Variants in MAPKAPK2 observed in about 807,000 individuals in gnomAD.
MAPKAPK2 encodes the protein MAPK activated protein kinase 2.
A neutral mutation model predicts 48.8 loss-of-function variants in MAPKAPK2; 9 were observed. That is an observed-to-expected ratio of 0.18 (90% CI 0.11 to 0.32). The LOEUF is 0.32. Among genes scored for constraint, MAPKAPK2 ranks in the 10% least tolerant of loss-of-function variants. MAPKAPK2 has a pLI of 1.00. For missense variants in MAPKAPK2, 331 were observed against 498.3 expected (o/e 0.66, Z 3.20); for synonymous variants, 202 against 190.6 (o/e 1.06, Z -0.49).
intron 1 of MAPKAPK2, among the ~76,000 whole-genome samples, chr1:206,725,475 G>A (rs1302422159): frequency 1.3e-5 from 2 of 152,176 alleles, no homozygotes; most frequent in Non-Finnish European, 2.9e-5. Context: ...GGTTGACAGT[G>A]ATGAATGCCT....
At chr1:206,700,344 G>C (rs578031685) in intron 1 of MAPKAPK2, among the ~76,000 whole-genome samples, 16 of 152,308 alleles carry the variant, frequency 1.1e-4, no homozygotes, top group African/African-American at 3.6e-4. Context: ...CCTCTCGCTG[G>C]ACACTGAGAG....
chr1:206,731,506 T>C lies in MAPKAPK2; in HGVS notation c.893-134T>C. 1.9e-6 allele frequency: 2 copies of C among 1,066,924 alleles called. No individual in the cohort carries two copies. Among genetic ancestry groups the C allele is most frequent in the Admixed American group, 3.7e-5 (2 of 53,958 alleles). The allele number at this position is 1,066,924 out of a possible 1,614,324, so 66.1% of individuals were successfully genotyped here. On this transcript the variant is annotated intron_variant, in intron 7 of 9. Coordinates refer to ENST00000367103, the MANE Select transcript of MAPKAPK2 (RefSeq NM_032960.4). The surrounding 1 kb of genome is among the most constrained non-coding windows in gnomAD (Gnocchi z 5.9). ...CAAGTGGTACAGCCGTAATGGTCCT[T>C]GGGGCCAGTTGCTCCGGCAGCCTGC... is the stretch of plus-strand genomic sequence containing the variant.
At chr1:206,706,080 G>A (rs1389578748) in intron 1 of MAPKAPK2, among the ~76,000 whole-genome samples, 1 of 152,102 alleles carries the variant, frequency 6.6e-6, no homozygotes, top group Non-Finnish European at 1.5e-5. Context: ...TACACTTCCA[G>A]TGTAATTAAG....
At chr1:206,719,812 C>T (rs1345990953) in intron 1 of MAPKAPK2, among the ~76,000 whole-genome samples, 8 of 152,224 alleles carry the variant, frequency 5.3e-5, no homozygotes, top group Admixed American at 1.3e-4. Flanking sequence ...AGGATTCTCC[C>T]TTAAACCATT....
At chr1:206,695,113 G>A (rs2102378769) in intron 1 of MAPKAPK2, among the ~76,000 whole-genome samples, 1 of 152,206 alleles carries the variant, frequency 6.6e-6, no homozygotes, top group Admixed American at 6.5e-5. Flanking sequence ...CCCCTCTCCT[G>A]GGTCTCAGAC....
chr1:206,717,289 G>C (rs74745748), intron 1 of MAPKAPK2, among the ~76,000 whole-genome samples: 5,923 of 152,242 alleles, frequency 0.039, 258 homozygotes, highest in African/African-American at 0.1. Flanking sequence ...TGTTCTGTAG[G>C]GCTGCTAGGA....
intron 1 of MAPKAPK2, chr1:206,695,847 C>G (rs1282785796): frequency 2.0e-6 from 1 of 509,272 alleles, no homozygotes; most frequent in Admixed American, 3.3e-5. Flanking sequence ...ACCATGGCAA[C>G]CCCCCTTCCT....
rs782031747 is a variant in MAPKAPK2, at chr1:206,732,740, C to T, written c.*22C>T. On this transcript the variant is annotated 3_prime_UTR_variant, in exon 10 of 10. Transcript: ENST00000367103. The surrounding 1 kb of genome is among the most constrained non-coding windows in gnomAD (Gnocchi z 4.4). ...CTGAGCCACCGCGCCCTCCTGCCCA[C>T]GGGAGGACAAGCAATAACTCTCTAC... 84 of 1,613,186 alleles carry T rather than the reference C, an allele frequency of 5.2e-5. No homozygotes were observed. The highest frequency in any genetic ancestry group is 1.3e-4 in the East Asian group (6 of 44,882).
At chr1:206,691,550 T>G (rs1672459826) in intron 1 of MAPKAPK2, among the ~76,000 whole-genome samples, 1 of 146,084 alleles carries the variant, frequency 6.8e-6, no homozygotes. Context: ...CTTGTTACCA[T>G]GGGTTATGTG....
At chr1:206,692,857 C>T (rs1672500982) in intron 1 of MAPKAPK2, among the ~76,000 whole-genome samples, 1 of 152,272 alleles carries the variant, frequency 6.6e-6, no homozygotes, top group African/African-American at 2.4e-5. Context: ...TGGCCAGAGG[C>T]GGAAGCTAGT....
intron 1 of MAPKAPK2, among the ~76,000 whole-genome samples, chr1:206,706,221 G>A (rs1672954971): frequency 6.6e-6 from 1 of 152,006 alleles, no homozygotes; most frequent in Non-Finnish European, 1.5e-5. Context: ...GAGTTAGTCT[G>A]TTCCCAGAAG....
rs782742183 is a variant in MAPKAPK2 at position 206,729,041 on chromosome 1, C to T, written c.426C>T (p.Asp142=). The part of the protein sequence containing the change: ...KCLLIVMECL[D]GGELFSRIQD... ...CACTGTGGCTTCATTTCAGTTTGGA[C>T]GGTGGAGAACTCTTTAGCCGAATCC... The change falls in exon 3 of 10, where the codon GAC becomes GAT. Residue 142 remains aspartate (D), a synonymous_variant. Coordinates refer to ENST00000367103, the MANE Select transcript of MAPKAPK2 (RefSeq NM_032960.4). 57 of 1,614,092 alleles carry T rather than the reference C, an allele frequency of 3.5e-5. No homozygotes were observed. The Middle Eastern group carries it at 4.9e-4, about 14-fold the overall frequency.
intron 1 of MAPKAPK2, among the ~76,000 whole-genome samples, chr1:206,715,890 C>T (rs1553430293): frequency 6.6e-6 from 1 of 151,830 alleles, no homozygotes; most frequent in African/African-American, 2.4e-5. Context: ...GTCATCAAGC[C>T]ATCCTCCTGC....
At position 206,732,746 on chromosome 1, in the gene MAPKAPK2, GACAAGCAATAACTCTCT is replaced by G. The variant is rs782021227; in HGVS notation, c.*32_*48del. On this transcript the variant is annotated 3_prime_UTR_variant, in exon 10 of 10. Transcript: ENST00000367103. This position sits in a 1 kb window ranked among gnomAD's most constrained non-coding sequence, Gnocchi z 4.4. ...CACCGCGCCCTCCTGCCCACGGGAG[GACAAGCAATAACTCTCT>G]ACAGGAATATATTTTTTAAACGAAG... is the stretch of plus-strand genomic sequence containing the variant. The G allele has an allele frequency of 2.5e-6, 4 of 1,613,142 alleles. No homozygotes were observed. The highest frequency in any genetic ancestry group is 3.4e-6 in the Non-Finnish European group (4 of 1,179,538).
intron 1 of MAPKAPK2, among the ~76,000 whole-genome samples, chr1:206,691,400 C>T (rs782160762): frequency 7.4e-5 from 11 of 149,654 alleles, no homozygotes; most frequent in South Asian, 4.2e-4. Flanking sequence ...AGTGTAATAA[C>T]GTATGGCAGT....
chr1:206,713,259 G>A (rs1319954603), intron 1 of MAPKAPK2, among the ~76,000 whole-genome samples: 2 of 152,186 alleles, frequency 1.3e-5, no homozygotes. Context: ...ACTCTGCCTG[G>A]AAGTGGTCAG....
In MAPKAPK2 at chr1:206,720,655, AGCCCC is replaced by A. The variant is rs1673485747; in HGVS notation, c.280-8054_280-8050del. 3.3e-5 allele frequency among the ~76,000 whole-genome samples: 5 copies of A among 152,312 alleles called. No homozygotes were observed. The South Asian group carries it at 1.0e-3, about 32-fold the overall frequency. ...GTTATAGATGTGAGCCACTATGGCC[AGCCCC>A]TATGCCTTTATTTTTTTTATATACA... On this transcript the variant is annotated intron_variant, in intron 1 of 9. Transcript: ENST00000367103.
chr1:206,690,705 A>G (rs1466463050), intron 1 of MAPKAPK2, among the ~76,000 whole-genome samples: 1 of 152,222 alleles, frequency 6.6e-6, no homozygotes, highest in Non-Finnish European at 1.5e-5. Context: ...TGTTAGCCAG[A>G]GCCCAGGAGT....
At position 206,685,518 on chromosome 1, in the gene MAPKAPK2, G is replaced by C; in HGVS notation, c.279+10G>C. ...GAAATTCGCCCTCAAAGTAGGTCTG[G>C]GGCCCGGGGAGGGGAGGCGGGGCCG... On this transcript the variant is annotated intron_variant, in intron 1 of 9. Coordinates refer to ENST00000367103, the MANE Select transcript of MAPKAPK2 (RefSeq NM_032960.4). The C allele has an allele frequency of 6.7e-7, 1 of 1,503,712 alleles. No homozygotes were observed. Among genetic ancestry groups the C allele is most frequent in the Non-Finnish European group, 8.9e-7 (1 of 1,120,214 alleles). The allele number at this position is 1,503,712 out of a possible 1,614,324, so 93.1% of individuals were successfully genotyped here.
Sources: gnomAD v4.1 joint callset for allele counts (sites outside exome capture counted in the v4.1 genomes callset) on GRCh38, gnomAD v4.1.1 for gene constraint, Gnocchi (gnomAD v3.1) non-coding constraint, MANE v1.5 for transcripts, NCBI Gene and HGNC (gene_info 2026-07-23, HGNC 2026-07-21) for gene names.